Variants in TSHZ2 observed in about 807,000 individuals in gnomAD.
TSHZ2 encodes teashirt zinc finger homeobox 2.
In TSHZ2, 21 loss-of-function variants were observed where a neutral mutation model predicts 74.4. That is an observed-to-expected ratio of 0.28 (90% CI 0.20 to 0.41). The LOEUF is 0.41. TSHZ2 is among the 10% of genes least tolerant of loss of function. TSHZ2 has a pLI of 1.00. For missense variants in TSHZ2, 1,244 were observed against 1,293.5 expected (o/e 0.96, Z 0.59); for synonymous variants, 540 against 515.3 (o/e 1.05, Z -0.65).
intron 1 of TSHZ2, among the ~76,000 whole-genome samples, chr20:53,180,207 G>T (rs1396666024): frequency 1.3e-5 from 2 of 152,164 alleles, no homozygotes; most frequent in African/African-American, 4.8e-5. Context: ...TGATAGAATT[G>T]TACACTGTAT....
chr20:53,384,297 G>C (rs1367595756), intron 2 of TSHZ2, among the ~76,000 whole-genome samples: 4 of 152,200 alleles, frequency 2.6e-5, no homozygotes, highest in Non-Finnish European at 5.9e-5. Context: ...CTGAAGGCGA[G>C]GGATTTGACT....
At chr20:53,101,168 AAG>A (rs1366379660) in intron 1 of TSHZ2, among the ~76,000 whole-genome samples, 1 of 152,182 alleles carries the variant, frequency 6.6e-6, no homozygotes, top group East Asian at 1.9e-4. Flanking sequence ...AAAATCCTAA[AAG>A]AGATGTTTTG....
chr20:53,190,454 G>A (rs906592535), intron 1 of TSHZ2, among the ~76,000 whole-genome samples: 2 of 151,942 alleles, frequency 1.3e-5, no homozygotes, highest in East Asian at 1.9e-4. Context: ...GGTGCCTCTT[G>A]CTCCTGGGCA....
intron 1 of TSHZ2, among the ~76,000 whole-genome samples, chr20:52,975,493 T>C (rs1374454951): frequency 6.6e-6 from 1 of 150,574 alleles, no homozygotes; most frequent in Non-Finnish European, 1.5e-5. Context: ...TGGTGCTGGC[T>C]AGTTTATTGG....
At position 53,247,621 on chromosome 20, in the gene TSHZ2, T is replaced by A. The variant is rs555386592; in HGVS notation, c.41-5878T>A. On this transcript the variant is annotated intron_variant, in intron 1 of 2. Transcript: ENST00000371497. ...GACAGGGAGCTCTCATTCCGAGTCA[T>A]CATTTTTTGTACCTACTGGGTACAC... Among the ~76,000 whole-genome samples the A allele has an allele frequency of 6.6e-5, 10 of 152,330 alleles. No homozygotes were observed. The East Asian group carries it at 1.9e-3, about 29-fold the overall frequency.
intron 1 of TSHZ2, among the ~76,000 whole-genome samples, chr20:53,180,915 C>G (rs1212723993): frequency 6.6e-6 from 1 of 152,148 alleles, no homozygotes; most frequent in African/African-American, 2.4e-5. Context: ...ATCCCATGAT[C>G]TCCTATCCAC....
intron 1 of TSHZ2, among the ~76,000 whole-genome samples, chr20:53,079,716 CTG>C (rs1258219794): frequency 6.6e-6 from 1 of 152,188 alleles, no homozygotes; most frequent in Non-Finnish European, 1.5e-5. Context: ...TGAGTGCTGA[CTG>C]TGCCCTCTAT....
At chr20:53,114,097 TG>T (rs1986605057) in intron 1 of TSHZ2, among the ~76,000 whole-genome samples, 2 of 128,320 alleles carry the variant, frequency 1.6e-5, no homozygotes, top group African/African-American at 3.2e-5. Flanking sequence ...CTGTCTCTTA[TG>T]AAAAAAAAAA....
intron 1 of TSHZ2, among the ~76,000 whole-genome samples, chr20:53,236,481 C>T (rs1989941258): frequency 6.6e-6 from 1 of 152,224 alleles, no homozygotes; most frequent in Non-Finnish European, 1.5e-5. Flanking sequence ...AGCAGAAACA[C>T]ACGTGCCTCC....
chr20:53,139,055 CAG>C (rs1488925512), intron 1 of TSHZ2, among the ~76,000 whole-genome samples: 2 of 152,222 alleles, frequency 1.3e-5, no homozygotes, highest in African/African-American at 4.8e-5. Context: ...GTTGTTCTGA[CAG>C]TGTTTCTCAA....
At chr20:53,284,187 A>G (rs1991119576) in intron 2 of TSHZ2, among the ~76,000 whole-genome samples, 2 of 152,126 alleles carry the variant, frequency 1.3e-5, no homozygotes, top group South Asian at 4.1e-4. Flanking sequence ...TGTGTCTGTT[A>G]AGTGTTGCTT....
intron 2 of TSHZ2, among the ~76,000 whole-genome samples, chr20:53,414,077 T>C (rs1983149155): frequency 6.6e-6 from 1 of 152,114 alleles, no homozygotes; most frequent in South Asian, 2.1e-4. Flanking sequence ...GCCAAGATCA[T>C]GCCACTGCAC....
At chr20:53,201,469 G>A (rs985599111) in intron 1 of TSHZ2, among the ~76,000 whole-genome samples, 4 of 152,094 alleles carry the variant, frequency 2.6e-5, no homozygotes, top group African/African-American at 9.7e-5. Context: ...CCCTGACTCC[G>A]ATTCTCCCAC....
intron 2 of TSHZ2, among the ~76,000 whole-genome samples, chr20:53,430,798 G>A (rs1052060322): frequency 5.3e-5 from 8 of 152,004 alleles, no homozygotes; most frequent in South Asian, 2.1e-4. Context: ...TTGCTTTGTC[G>A]CCCAGGCTGG....
At chr20:53,340,520 A>G (rs1980155349) in intron 2 of TSHZ2, among the ~76,000 whole-genome samples, 1 of 152,212 alleles carries the variant, frequency 6.6e-6, no homozygotes, top group Non-Finnish European at 1.5e-5. Flanking sequence ...ATTATTGCAC[A>G]ATGTGCAATG....
At chr20:53,330,270 C>T (rs1483046538) in intron 2 of TSHZ2, among the ~76,000 whole-genome samples, 1 of 152,182 alleles carries the variant, frequency 6.6e-6, no homozygotes, top group Non-Finnish European at 1.5e-5. Flanking sequence ...TGCACCCTTT[C>T]CGAAGCTTCC....
At chr20:53,395,451 C>T (rs979442254) in intron 2 of TSHZ2, among the ~76,000 whole-genome samples, 1 of 152,222 alleles carries the variant, frequency 6.6e-6, no homozygotes, top group African/African-American at 2.4e-5. Flanking sequence ...CATTCTGTGA[C>T]ACATGTCCAA....
chr20:53,071,867 G>A (rs2123199361), intron 1 of TSHZ2, among the ~76,000 whole-genome samples: 1 of 152,284 alleles, frequency 6.6e-6, no homozygotes, highest in African/African-American at 2.4e-5. Flanking sequence ...GACACTGAGG[G>A]CTTTGGATTG....
intron 2 of TSHZ2, among the ~76,000 whole-genome samples, chr20:53,343,775 C>G (rs1980318678): frequency 6.6e-6 from 1 of 152,220 alleles, no homozygotes; most frequent in African/African-American, 2.4e-5. Flanking sequence ...AGAACCAGCT[C>G]ATGAGTAATT....
Sources: allele counts gnomAD v4.1 joint callset (sites outside exome capture counted in the v4.1 genomes callset), GRCh38; gene constraint gnomAD v4.1.1; transcripts MANE v1.5; gene names NCBI Gene and HGNC (gene_info 2026-07-23, HGNC 2026-07-21).